Variants in RBFOX1 observed in about 807,000 individuals in gnomAD.
RBFOX1 encodes the protein RNA binding fox-1 homolog 1, also known as RNA binding protein fox-1 homolog 1.
In RBFOX1, 8 loss-of-function variants were observed where a neutral mutation model predicts 57.7. The ratio of observed to expected loss-of-function variants is 0.14; its 90% CI spans 0.08 to 0.25. The LOEUF (loss-of-function observed/expected upper bound fraction) is 0.25. Ranked by LOEUF, RBFOX1 falls within the 10% of genes least tolerant of loss-of-function variation. The pLI, the probability that RBFOX1 is intolerant of heterozygous loss-of-function variation, is 1.00. For missense variants in RBFOX1, 611 were observed against 548.5 expected (o/e 1.11, Z -1.14); for synonymous variants, 326 against 222.4 (o/e 1.47, Z -4.15).
chr16:6,783,547 A>G (rs969514293), intron 3 of RBFOX1, among the ~76,000 whole-genome samples: 1 of 151,710 alleles, frequency 6.6e-6, no homozygotes, highest in Non-Finnish European at 1.5e-5. Flanking sequence ...TCTACGCTTT[A>G]TCTCCATCTC....
intron 3 of RBFOX1, among the ~76,000 whole-genome samples, chr16:6,744,645 A>C (rs942251384): frequency 6.6e-6 from 1 of 152,138 alleles, no homozygotes; most frequent in African/African-American, 2.4e-5. Flanking sequence ...AGTGACCTGA[A>C]CAAAAATATA....
chr16:6,010,836 CA>C (rs1486331929), intron 4 of RBFOX1, among the ~76,000 whole-genome samples: 1 of 152,082 alleles, frequency 6.6e-6, no homozygotes, highest in Admixed American at 6.5e-5. Context: ...AAGACATTCC[CA>C]GGGATTGTGA....
chr16:5,493,763 A>G (rs1175223343), intron 2 of RBFOX1, among the ~76,000 whole-genome samples: 3 of 152,176 alleles, frequency 2.0e-5, no homozygotes, highest in Admixed American at 1.3e-4. Flanking sequence ...CTTTGTCTTC[A>G]CTTCCCATCA....
intron 2 of RBFOX1, among the ~76,000 whole-genome samples, chr16:6,488,535 T>G (rs1201860251): frequency 1.3e-5 from 2 of 152,172 alleles, no homozygotes; most frequent in African/African-American, 4.8e-5. Flanking sequence ...AATTTAGAGA[T>G]GGAGAAACAA....
At chr16:5,361,827 A>G (rs959333801) in intron 1 of RBFOX1, among the ~76,000 whole-genome samples, 2 of 152,230 alleles carry the variant, frequency 1.3e-5, no homozygotes, top group African/African-American at 2.4e-5. Flanking sequence ...AGTGGGAGAC[A>G]TAGAGAAAGT....
intron 2 of RBFOX1, among the ~76,000 whole-genome samples, chr16:6,506,321 G>C (rs1386206677): frequency 2.0e-5 from 3 of 152,022 alleles, no homozygotes; most frequent in Non-Finnish European, 4.4e-5. Context: ...ATGGGGAGCT[G>C]GAGGGAAGAG....
chr16:6,367,279 T>TTTTG (rs1212544747), intron 2 of RBFOX1, among the ~76,000 whole-genome samples: 1 of 151,954 alleles, frequency 6.6e-6, no homozygotes, highest in Non-Finnish European at 1.5e-5. Flanking sequence ...TTTTGTTTTG[T>TTTTG]TTTGTTTTTA....
At chr16:7,570,034 G>C (rs187161274) in intron 5 of RBFOX1, among the ~76,000 whole-genome samples, 1 of 152,194 alleles carries the variant, frequency 6.6e-6, no homozygotes, top group East Asian at 1.9e-4. Flanking sequence ...TCCATATGGA[G>C]ATGTGTAAAA....
intron 1 of RBFOX1, among the ~76,000 whole-genome samples, chr16:6,258,916 A>G (rs558203987): frequency 6.6e-6 from 1 of 152,322 alleles, no homozygotes; most frequent in South Asian, 2.1e-4. Flanking sequence ...AAAATTTAAA[A>G]ACATTTAAAT....
Position 5,633,749 on chromosome 16 carries a change from C to T in RBFOX1, c.318+34788C>T, listed in dbSNP as rs139541161. 1.2e-4 allele frequency among the ~76,000 whole-genome samples: 18 copies of T among 151,996 alleles called. No homozygotes were observed. The East Asian group carries it at 3.3e-3, about 28-fold the overall frequency. ...ATTAGCCGGGCGTCGTGGTGCATGC[C>T]TGTAATCGCAGCTGCTCAGGAGGCT... is the stretch of plus-strand genomic sequence containing the variant. On this transcript the variant is annotated intron_variant, in intron 3 of 19. Coordinates refer to the RBFOX1 transcript ENST00000641259.
chr16:5,850,296 A>G lies in RBFOX1; in HGVS notation c.319-17007A>G, dbSNP rs541466889. ...ATGAGTGGAGTGAGAGAAAGGGAAA[A>G]GGTAAGATAAGTGACCTTCCAGAAA... is the stretch of plus-strand genomic sequence containing the variant. On this transcript the variant is annotated intron_variant, in intron 3 of 19. Coordinates refer to the RBFOX1 transcript ENST00000641259. Among the ~76,000 whole-genome samples the G allele has an allele frequency of 2.6e-5, 4 of 152,344 alleles. No individual in the cohort carries two copies. The East Asian group carries it at 7.7e-4, about 29-fold the overall frequency.
At position 5,463,575 on chromosome 16, in the gene RBFOX1, G is replaced by A. The variant is rs547941389; in HGVS notation, c.220-3641G>A. Among the ~76,000 whole-genome samples the A allele has an allele frequency of 6.3e-4, 96 of 152,164 alleles. 2 individuals are homozygous for A. In the Middle Eastern group the frequency reaches 0.01, roughly 16 times the overall value. On this transcript the variant is annotated intron_variant, in intron 1 of 2. Coordinates refer to the RBFOX1 transcript ENST00000585867. ...AGCATTTTGGGAGGCCGAGGCAGGCGGATCACCTGAGGTCAGGAGTTTGAG... is the reference window on the plus strand; with the variant it reads ...AGCATTTTGGGAGGCCGAGGCAGGCAGATCACCTGAGGTCAGGAGTTTGAG...
intron 5 of RBFOX1, among the ~76,000 whole-genome samples, chr16:7,570,032 G>C (rs1409321013): frequency 6.6e-6 from 1 of 152,070 alleles, no homozygotes; most frequent in Non-Finnish European, 1.5e-5. Context: ...TTTCCATATG[G>C]AGATGTGTAA....
At chr16:5,501,657 A>G (rs1470679817) in intron 2 of RBFOX1, among the ~76,000 whole-genome samples, 1 of 152,198 alleles carries the variant, frequency 6.6e-6, no homozygotes, top group Non-Finnish European at 1.5e-5. Context: ...GATGCCGTCA[A>G]ATCTCCAAAC....
chr16:7,298,651 A>G (rs1213626096), intron 4 of RBFOX1, among the ~76,000 whole-genome samples: 1 of 152,198 alleles, frequency 6.6e-6, no homozygotes, highest in Admixed American at 6.5e-5. Flanking sequence ...TATCGACTCA[A>G]AGCCAACAGT....
At chr16:7,067,639 C>T (rs542655330) in intron 4 of RBFOX1, among the ~76,000 whole-genome samples, 117 of 151,022 alleles carry the variant, frequency 7.7e-4, no homozygotes, top group African/African-American at 2.8e-3. Flanking sequence ...CACCCATTAA[C>T]TCATCATTTA....
intron 3 of RBFOX1, among the ~76,000 whole-genome samples, chr16:6,929,086 G>A (rs1175683335): frequency 6.6e-6 from 1 of 152,088 alleles, no homozygotes; most frequent in Non-Finnish European, 1.5e-5. Flanking sequence ...CCACTCCCCA[G>A]TCTAGTGTTT....
chr16:5,387,346 C>T (rs2066285526), intron 1 of RBFOX1, among the ~76,000 whole-genome samples: 1 of 152,102 alleles, frequency 6.6e-6, no homozygotes, highest in Admixed American at 6.5e-5. Context: ...TTCTATTTTC[C>T]CTTATAAATA....
At chr16:5,372,524 G>A (rs1455021988) in intron 1 of RBFOX1, among the ~76,000 whole-genome samples, 2 of 152,232 alleles carry the variant, frequency 1.3e-5, no homozygotes, top group African/African-American at 4.8e-5. Flanking sequence ...TCCTCCACGT[G>A]TGGCACACAG....
Sources: gnomAD v4.1 joint callset for allele counts (sites outside exome capture counted in the v4.1 genomes callset) on GRCh38, gnomAD v4.1.1 for gene constraint, MANE v1.5 for transcripts, NCBI Gene and HGNC (gene_info 2026-07-23, HGNC 2026-07-21) for gene names.